Variants in LCORL observed in about 807,000 individuals in gnomAD.
LCORL encodes the protein ligand dependent nuclear receptor corepressor like.
A neutral mutation model predicts 141.8 loss-of-function variants in LCORL; 41 were observed. That is an observed-to-expected ratio of 0.29 (90% CI 0.23 to 0.38). The LOEUF (loss-of-function observed/expected upper bound fraction) is 0.38, where lower values mean the gene tolerates loss of function less well. Ranked by LOEUF, LCORL falls within the 10% of genes least tolerant of loss-of-function variation. The pLI is 1.00. For missense variants in LCORL, 1,759 were observed against 2,035.0 expected, an observed-to-expected ratio of 0.86 and a Z score of 2.61; for synonymous variants, 618 against 694.1, an observed-to-expected ratio of 0.89 and a Z score of 1.72.
At chr4:17,891,073 T>C (rs1560297216) in intron 5 of LCORL, among the ~76,000 whole-genome samples, 1 of 152,164 alleles carries the variant, frequency 6.6e-6, no homozygotes, top group Non-Finnish European at 1.5e-5. Flanking sequence ...CTAGAAAATA[T>C]TAGTAACTTA....
At chr4:17,991,962 A>C (rs1173779240) in intron 1 of LCORL, among the ~76,000 whole-genome samples, 1 of 152,208 alleles carries the variant, frequency 6.6e-6, no homozygotes, top group African/African-American at 2.4e-5. Context: ...AGACACAGAG[A>C]GTAATGGATA....
intron 1 of LCORL, among the ~76,000 whole-genome samples, chr4:17,991,302 A>C (rs558394678): frequency 1.3e-5 from 2 of 152,252 alleles, no homozygotes; most frequent in Admixed American, 6.5e-5. Context: ...CCTTCTTCTA[A>C]CTCAAATTCT....
At chr4:17,851,439 T>A (rs141525817) in intron 7 of LCORL, among the ~76,000 whole-genome samples, 1 of 152,174 alleles carries the variant, frequency 6.6e-6, no homozygotes, top group African/African-American at 2.4e-5. Context: ...AACTCTCTCC[T>A]TGTACACAAT....
intron 7 of LCORL, among the ~76,000 whole-genome samples, chr4:17,855,012 T>A (rs1460795664): frequency 6.6e-6 from 1 of 152,184 alleles, no homozygotes; most frequent in Non-Finnish European, 1.5e-5. Context: ...GTAAGTATTA[T>A]GACCATTAGA....
rs1435294159 is a variant in LCORL, at chr4:18,021,665, G to A, written c.87C>T (p.Cys29=). Residue 29 remains cysteine (C), a synonymous_variant, in exon 1 of 8, where the codon TGC becomes TGT. Coordinates refer to ENST00000635767, the Ensembl canonical transcript of LCORL. This position sits in a 1 kb window ranked among gnomAD's most constrained non-coding sequence, Gnocchi z 5.5. ...GCCGGAATCCTCTTCTCTCCGCCGC[G>A]CACCGAGGGCTCCGGCACTGAGCGG... 1.9e-6 allele frequency: 3 copies of A among 1,545,370 alleles called. No homozygotes were observed. Among genetic ancestry groups the A allele is most frequent in the Non-Finnish European group, 2.6e-6 (3 of 1,144,870 alleles).
rs565905851 is a variant in LCORL, at chr4:17,962,269, A to G, written c.301-237T>C. ...AAAACTACAGTCAAAAAAAAAAAAA[A>G]GAGCATATGAAACATACTGGTGAAT... On this transcript the variant is annotated intron_variant, in intron 3 of 7. Coordinates refer to ENST00000635767, the Ensembl canonical transcript of LCORL. Among the ~76,000 whole-genome samples, 15 of 151,788 alleles carry G rather than the reference A, an allele frequency of 9.9e-5. No homozygotes were observed. In the East Asian group the frequency reaches 2.9e-3, roughly 29 times the overall value.
intron 1 of LCORL, among the ~76,000 whole-genome samples, chr4:18,018,117 A>T (rs1299435001): frequency 6.6e-6 from 1 of 152,136 alleles, no homozygotes; most frequent in Non-Finnish European, 1.5e-5. Context: ...CAGATCAGAT[A>T]TCCTAATGGA....
Position 17,991,011 on chromosome 4 carries a change from G to C in LCORL, c.155-18126C>G, listed in dbSNP as rs564002598. Among the ~76,000 whole-genome samples the C allele has an allele frequency of 2.6e-5, 4 of 152,198 alleles. No individual in the cohort carries two copies. The South Asian group carries it at 8.3e-4, about 32-fold the overall frequency. On this transcript the variant is annotated intron_variant, in intron 1 of 7. Transcript: ENST00000635767. ...AAAAAATAAAAATAAAAAGCTTTTTGAGAGTAAATGTTAAGGATAATGAGG... is the reference window on the plus strand; with the variant it reads ...AAAAAATAAAAATAAAAAGCTTTTTCAGAGTAAATGTTAAGGATAATGAGG...
Position 18,012,534 on chromosome 4 carries a change from C to T in LCORL, c.154+9064G>A, listed in dbSNP as rs1723969103. ...AGAAACATAAAATTATACCCCCAAG[C>T]AATGGTCACACGTAGGACTCAAGAT... On this transcript the variant is annotated intron_variant, in intron 1 of 7. Coordinates refer to ENST00000635767, the Ensembl canonical transcript of LCORL. 2.0e-5 allele frequency among the ~76,000 whole-genome samples: 3 copies of T among 152,144 alleles called. No homozygotes were observed. In the South Asian group the frequency reaches 6.2e-4, roughly 31 times the overall value.
chr4:17,873,715 T>C (rs945307581), exon 7 of LCORL: 6 of 1,233,660 alleles, frequency 4.9e-6, no homozygotes, highest in South Asian at 4.1e-5. Flanking sequence ...TGATGAGTAT[T>C]TCCACTGTCA....
At chr4:17,958,503 A>G (rs1448166185) in intron 4 of LCORL, among the ~76,000 whole-genome samples, 3 of 151,916 alleles carry the variant, frequency 2.0e-5, no homozygotes, top group Admixed American at 1.3e-4. Flanking sequence ...CTAAAGGCCA[A>G]AATAACTTAG....
At chr4:17,998,819 G>T (rs1392531286) in intron 1 of LCORL, among the ~76,000 whole-genome samples, 1 of 150,876 alleles carries the variant, frequency 6.6e-6, no homozygotes, top group Admixed American at 6.6e-5. Flanking sequence ...ACAAAAATTA[G>T]CCAGGCATGG....
chr4:17,998,986 ATATATATATATATATATACAC>A (rs1446344568), intron 1 of LCORL, among the ~76,000 whole-genome samples: 4 of 49,760 alleles, frequency 8.0e-5, no homozygotes, highest in African/African-American at 2.8e-4. Context: ...AAAAAAAAAA[ATATATATATATATATATACAC>A]ACATATATAT....
chr4:17,991,071 C>G (rs755602813), intron 1 of LCORL, among the ~76,000 whole-genome samples: 14 of 151,486 alleles, frequency 9.2e-5, no homozygotes, highest in Non-Finnish European at 1.8e-4. Context: ...TATAGAAGAG[C>G]CTAAGGAAAT....
intron 4 of LCORL, among the ~76,000 whole-genome samples, chr4:17,915,651 A>C (rs552969082): frequency 6.6e-6 from 1 of 152,352 alleles, no homozygotes; most frequent in Non-Finnish European, 1.5e-5. Context: ...AAAATGAGGT[A>C]AATATTACTG....
intron 6 of LCORL, chr4:17,882,945 A>G: frequency 1.8e-5 from 16 of 910,174 alleles, no homozygotes; most frequent in Non-Finnish European, 2.0e-5. Flanking sequence ...TTATTTTAAT[A>G]ATTAAATTTA....
At chr4:17,943,790 C>T (rs1397331043) in intron 4 of LCORL, among the ~76,000 whole-genome samples, 1 of 151,910 alleles carries the variant, frequency 6.6e-6, no homozygotes, top group Non-Finnish European at 1.5e-5. Context: ...GTTTTTAAAA[C>T]ATTTTAGGAG....
chr4:17,874,140 C>G, exon 7 of LCORL: 1 of 1,233,934 alleles, frequency 8.1e-7, no homozygotes, highest in Non-Finnish European at 1.0e-6. Flanking sequence ...GTCAACTGTT[C>G]CATGGTTGTG....
intron 7 of LCORL, among the ~76,000 whole-genome samples, chr4:17,862,209 T>A (rs1725093654): frequency 6.6e-6 from 1 of 152,216 alleles, no homozygotes; most frequent in Non-Finnish European, 1.5e-5. Context: ...AGAAGCTTAA[T>A]GGAGAACCCA....
Sources: allele counts gnomAD v4.1 joint callset (sites outside exome capture counted in the v4.1 genomes callset), GRCh38; gene constraint gnomAD v4.1.1; non-coding constraint Gnocchi (gnomAD v3.1); transcripts MANE v1.5; gene names NCBI Gene and HGNC (gene_info 2026-07-23, HGNC 2026-07-21).